Variants in PCDHGB1 observed in about 807,000 individuals in gnomAD.
PCDHGB1 encodes the protein protocadherin gamma-B1.
In PCDHGB1, 34 loss-of-function variants were observed where a neutral mutation model predicts 56.6. The observed-to-expected ratio is 0.60, with a 90% CI of 0.46 to 0.80. PCDHGB1 has a LOEUF of 0.80. Ranked by LOEUF, PCDHGB1 falls within the 30% of genes least tolerant of loss-of-function variation. The pLI is 0.00. For missense variants in PCDHGB1, 1,278 were observed against 1,204.6 expected (o/e 1.06, Z -0.90); for synonymous variants, 561 against 505.9 (o/e 1.11, Z -1.46).
intron 1 of PCDHGB1, chr5:141,399,651 G>A (rs1561671286): frequency 1.2e-6 from 2 of 1,613,738 alleles, no homozygotes; most frequent in Non-Finnish European, 1.7e-6. Flanking sequence ...CGCAAAGTGG[G>A]GTGGTGTTCG....
At chr5:141,509,669 G>GAGAA (rs2099877764) in intron 3 of PCDHGB1, among the ~76,000 whole-genome samples, 1 of 152,180 alleles carries the variant, frequency 6.6e-6, no homozygotes, top group African/African-American at 2.4e-5. Flanking sequence ...CTGGGCCCCA[G>GAGAA]TTTCTTCTTC....
At chr5:141,358,959 G>A (rs190697556) in intron 1 of PCDHGB1, among the ~76,000 whole-genome samples, 2 of 152,314 alleles carry the variant, frequency 1.3e-5, no homozygotes, top group South Asian at 2.1e-4. Flanking sequence ...CTTTCATTTA[G>A]GTTCTGTGAG....
At chr5:141,394,324 A>G in intron 1 of PCDHGB1, 1 of 1,613,922 alleles carries the variant, frequency 6.2e-7, no homozygotes. Context: ...CTGTCCTCGT[A>G]TATCTCCATC....
chr5:141,478,692 A>C (rs1459911657), intron 1 of PCDHGB1: 2 of 1,550,666 alleles, frequency 1.3e-6, no homozygotes, highest in African/African-American at 2.7e-5. Context: ...CCTAGATCAA[A>C]GTTAGTGCCT....
In PCDHGB1 at chr5:141,487,747, CTA is replaced by C. The variant is rs2099663990; in HGVS notation, c.2410-7058_2410-7057del. 1 of 1,558,062 alleles carries C rather than the reference CTA, an allele frequency of 6.4e-7. No individual in the cohort carries two copies. The highest frequency in any genetic ancestry group is 2.4e-5 in the East Asian group (1 of 41,708). On this transcript the variant is annotated intron_variant, in intron 1 of 3. Coordinates refer to ENST00000523390, the MANE Select transcript of PCDHGB1 (RefSeq NM_018922.3). This position sits in a 1 kb window ranked among gnomAD's most constrained non-coding sequence, Gnocchi z 5.0. ...ATGTCACCATTTTTGTAAGAGGTAA[CTA>C]TGTGGTAGACGCTGTGCTTTGTAAC... is the stretch of plus-strand genomic sequence containing the variant.
intron 1 of PCDHGB1, chr5:141,429,167 TATAC>T (rs1240034860): frequency 7.3e-6 from 1 of 136,106 alleles, no homozygotes; most frequent in African/African-American, 2.9e-5. Flanking sequence ...AGACATTGTT[TATAC>T]ACACACACAC....
chr5:141,373,239 T>C (rs1466756322), intron 1 of PCDHGB1, among the ~76,000 whole-genome samples: 1 of 152,238 alleles, frequency 6.6e-6, no homozygotes, highest in Non-Finnish European at 1.5e-5. Flanking sequence ...ATATTTTTAC[T>C]TCCCTTTGCA....
chr5:141,465,968 A>G (rs2099113507), intron 1 of PCDHGB1, among the ~76,000 whole-genome samples: 3 of 151,940 alleles, frequency 2.0e-5, no homozygotes, highest in Admixed American at 6.6e-5. Flanking sequence ...TAAAAATACA[A>G]AAAATTAGCC....
chr5:141,372,129 C>T (rs62620756), intron 1 of PCDHGB1: 5 of 1,613,514 alleles, frequency 3.1e-6, no homozygotes, highest in African/African-American at 1.3e-5. Flanking sequence ...CGATATGGTG[C>T]CGCGCTCTGC....
At chr5:141,399,971 T>C in intron 1 of PCDHGB1, 1 of 1,612,208 alleles carries the variant, frequency 6.2e-7, no homozygotes, top group Non-Finnish European at 8.5e-7. Flanking sequence ...CTCTTCAGCC[T>C]GGGGCTGCGC....
intron 1 of PCDHGB1, chr5:141,357,875 G>A (rs1004747934): frequency 5.4e-6 from 3 of 558,690 alleles, no homozygotes; most frequent in African/African-American, 3.8e-5. Flanking sequence ...TTACAACTCT[G>A]AGCCACCTCA....
At chr5:141,359,896 A>G in intron 1 of PCDHGB1, 1 of 397,074 alleles carries the variant, frequency 2.5e-6, no homozygotes, top group Non-Finnish European at 4.4e-6. Flanking sequence ...GCAAATATTG[A>G]CAAGCCATTA....
intron 1 of PCDHGB1, chr5:141,389,364 C>T: frequency 1.2e-6 from 2 of 1,613,854 alleles, no homozygotes; most frequent in Non-Finnish European, 1.7e-6. Context: ...GGCCAGTGAC[C>T]TGGAGCAGCG....
chr5:141,384,704 C>T (rs1191674511), intron 1 of PCDHGB1: 2 of 1,614,004 alleles, frequency 1.2e-6, no homozygotes, highest in African/African-American at 2.7e-5. Flanking sequence ...GGCCAGAACG[C>T]CTGGCTGTCA....
chr5:141,412,357 T>A (rs756056496), intron 1 of PCDHGB1: 17 of 152,366 alleles, frequency 1.1e-4, no homozygotes, highest in Middle Eastern at 3.4e-3. Context: ...TAGTTTGTGA[T>A]TACCTGCTTA....
intron 1 of PCDHGB1, chr5:141,400,097 A>G: frequency 6.2e-7 from 1 of 1,614,048 alleles, no homozygotes; most frequent in Non-Finnish European, 8.5e-7. Flanking sequence ...GCCACGCTGC[A>G]CTTGGTCTTT....
intron 1 of PCDHGB1, among the ~76,000 whole-genome samples, chr5:141,420,845 G>A (rs1038454602): frequency 6.6e-6 from 1 of 152,200 alleles, no homozygotes; most frequent in African/African-American, 2.4e-5. Flanking sequence ...GGTGTTCTTG[G>A]TAAAGTTTTA....
intron 1 of PCDHGB1, chr5:141,427,448 TC>T (rs1355717683): frequency 6.2e-6 from 3 of 484,982 alleles, no homozygotes; most frequent in Non-Finnish European, 1.2e-5. Flanking sequence ...ACGAAAGAGT[TC>T]CTTTTAGAAT....
intron 1 of PCDHGB1, chr5:141,360,587 C>T (rs1186405210): frequency 6.2e-6 from 10 of 1,613,882 alleles, no homozygotes; most frequent in Non-Finnish European, 6.8e-6. Flanking sequence ...CCAGGTACAA[C>T]ATTTCCACTT....
Sources: allele counts gnomAD v4.1 joint callset (sites outside exome capture counted in the v4.1 genomes callset), GRCh38; gene constraint gnomAD v4.1.1; non-coding constraint Gnocchi (gnomAD v3.1); transcripts MANE v1.5; gene names NCBI Gene and HGNC (gene_info 2026-07-23, HGNC 2026-07-21).